The following RBMS1 variants were observed in gnomAD, a reference collection of about 807,000 sequenced individuals.
RBMS1 encodes RNA-binding motif, single-stranded-interacting protein 1.
A neutral mutation model predicts 62.3 loss-of-function variants in RBMS1; 17 were observed. The observed-to-expected ratio is 0.27, with a 90% CI of 0.19 to 0.41. The LOEUF is 0.41. Among genes scored for constraint, RBMS1 ranks in the 10% least tolerant of loss-of-function variants. The probability of loss-of-function intolerance (pLI) is 1.00; values close to 1 mark genes in which losing one functional copy is unlikely to be tolerated. For missense variants in RBMS1, 334 were observed against 504.5 expected (o/e 0.66, Z 3.24); for synonymous variants, 172 against 170.0 (o/e 1.01, Z -0.09).
intron 2 of RBMS1, among the ~76,000 whole-genome samples, chr2:160,328,046 A>G (rs1176839995): frequency 6.6e-6 from 1 of 152,136 alleles, no homozygotes. Context: ...GTTATAATGG[A>G]AAGAAGAGAG....
intron 10 of RBMS1, among the ~76,000 whole-genome samples, chr2:160,280,380 T>C (rs1244177194): frequency 6.6e-6 from 1 of 152,240 alleles, no homozygotes; most frequent in Non-Finnish European, 1.5e-5. Context: ...AAACATGTTT[T>C]ATCTGCTTCT....
chr2:160,390,245 A>G (rs1405616683), intron 1 of RBMS1, among the ~76,000 whole-genome samples: 2 of 152,124 alleles, frequency 1.3e-5, no homozygotes, highest in African/African-American at 4.8e-5. Flanking sequence ...GAACTTTAGG[A>G]AAAAAAAGAG....
chr2:160,439,615 C>G (rs1007138676), intron 1 of RBMS1, among the ~76,000 whole-genome samples: 1 of 152,080 alleles, frequency 6.6e-6, no homozygotes, highest in Non-Finnish European at 1.5e-5. Flanking sequence ...AGACGATGGG[C>G]GGCCAGGCGG....
At chr2:160,384,188 C>T (rs1356281993) in intron 1 of RBMS1, among the ~76,000 whole-genome samples, 1 of 152,106 alleles carries the variant, frequency 6.6e-6, no homozygotes, top group East Asian at 1.9e-4. Context: ...GGGAGCGAGA[C>T]TCTGTCTCAA....
At chr2:160,324,884 A>G (rs373835494) in intron 2 of RBMS1, among the ~76,000 whole-genome samples, 1,639 of 48,996 alleles carry the variant, frequency 0.033, 11 homozygotes, top group Middle Eastern at 0.077. Context: ...GTGTGTGTGT[A>G]TATATATATA....
intron 2 of RBMS1, among the ~76,000 whole-genome samples, chr2:160,347,412 T>C (rs1559419297): frequency 6.6e-6 from 1 of 152,182 alleles, no homozygotes; most frequent in South Asian, 2.1e-4. Flanking sequence ...TTAAACACCA[T>C]CTTAAACCTT....
intron 2 of RBMS1, among the ~76,000 whole-genome samples, chr2:160,330,272 C>T (rs1691185714): frequency 6.6e-6 from 1 of 152,168 alleles, no homozygotes; most frequent in South Asian, 2.1e-4. Context: ...GAGTTGTCAA[C>T]TGTTGGTTAG....
At chr2:160,387,293 G>C (rs1376600772) in intron 1 of RBMS1, among the ~76,000 whole-genome samples, 1 of 152,028 alleles carries the variant, frequency 6.6e-6, no homozygotes, top group South Asian at 2.1e-4. Context: ...ACAGTATCTA[G>C]TCTTTTTATT....
At chr2:160,492,182 T>A (rs1685860762) in intron 1 of RBMS1, among the ~76,000 whole-genome samples, 1 of 152,152 alleles carries the variant, frequency 6.6e-6, no homozygotes, top group Non-Finnish European at 1.5e-5. Flanking sequence ...CTGATTCTTT[T>A]GTGATCTAGA....
At position 160,363,556 on chromosome 2, in the gene RBMS1, GGGAGAAGAAGGAAGAAGGGCT is replaced by G. The variant is rs1166665133; in HGVS notation, c.251+3639_251+3659del. ...GAGGAGTCAGCCGGTTCTTCTGGTA[GGGAGAAGAAGGAAGAAGGGCT>G]GGAGAAGAAGGAAGAAGGGCCAAAG... On this transcript the variant is annotated intron_variant, in intron 2 of 13. Coordinates refer to ENST00000348849, the MANE Select transcript of RBMS1 (RefSeq NM_016836.4). Among the ~76,000 whole-genome samples the G allele has an allele frequency of 3.9e-5, 6 of 152,092 alleles. No homozygotes were observed. In the East Asian group the frequency reaches 9.7e-4, roughly 25 times the overall value.
chr2:160,288,001 G>A (rs2105937981), intron 6 of RBMS1, among the ~76,000 whole-genome samples: 1 of 148,388 alleles, frequency 6.7e-6, no homozygotes, highest in South Asian at 2.1e-4. Context: ...CAGAAAAGCA[G>A]AAGATGTAGA....
chr2:160,442,107 T>A (rs1280104504), intron 1 of RBMS1, among the ~76,000 whole-genome samples: 4 of 152,256 alleles, frequency 2.6e-5, no homozygotes, highest in Non-Finnish European at 5.9e-5. Context: ...GTCTATTCAG[T>A]TTCTTAAAGA....
chr2:160,370,897 CTTAA>C (rs1196897392), intron 1 of RBMS1, among the ~76,000 whole-genome samples: 1 of 151,982 alleles, frequency 6.6e-6, no homozygotes, highest in Non-Finnish European at 1.5e-5. Flanking sequence ...TTTAAGTTGA[CTTAA>C]TTAACACACA....
intron 1 of RBMS1, chr2:160,416,303 C>T (rs2105261661): frequency 6.6e-6 from 1 of 152,066 alleles, no homozygotes; most frequent in African/African-American, 2.4e-5. Context: ...ACCACCCTTC[C>T]TTCACCTCCC....
intron 1 of RBMS1, among the ~76,000 whole-genome samples, chr2:160,434,834 A>G (rs1172532258): frequency 2.6e-5 from 4 of 152,196 alleles, no homozygotes; most frequent in Admixed American, 2.0e-4. Context: ...TTATCTGATG[A>G]TCTTTAAAAA....
In RBMS1 at chr2:160,352,219, G is replaced by T. The variant is rs182819764; in HGVS notation, c.251+14997C>A. Among the ~76,000 whole-genome samples, 641 of 152,200 alleles carry T rather than the reference G, an allele frequency of 4.2e-3. 2 individuals are homozygous for T. Among genetic ancestry groups the T allele is most frequent in the Non-Finnish European group, 6.7e-3 (453 of 67,986 alleles). On this transcript the variant is annotated intron_variant, in intron 2 of 13. Transcript: ENST00000348849. ...ATGCCGGAAGGAGCGTCTTCCTGTGGTTCCTCCTAAAAGCCATACTCTATG... is the reference window on the plus strand; with the variant it reads ...ATGCCGGAAGGAGCGTCTTCCTGTGTTTCCTCCTAAAAGCCATACTCTATG...
intron 1 of RBMS1, among the ~76,000 whole-genome samples, chr2:160,478,955 G>A (rs1379788626): frequency 1.3e-5 from 2 of 152,220 alleles, no homozygotes; most frequent in South Asian, 2.1e-4. Flanking sequence ...CCGGTGTGGA[G>A]TGCTTGGCAT....
rs183910398 is a variant in RBMS1, at chr2:160,336,519, C to T, written c.252-18292G>A. Among the ~76,000 whole-genome samples the T allele has an allele frequency of 9.2e-5, 14 of 152,002 alleles. No individual in the cohort carries two copies. The East Asian group carries it at 2.1e-3, about 23-fold the overall frequency. On this transcript the variant is annotated intron_variant, in intron 2 of 13. Coordinates refer to ENST00000348849, the MANE Select transcript of RBMS1 (RefSeq NM_016836.4). The stretch of plus-strand genomic sequence containing the variant: ...CTTGAAATACCTAGATCAGTGCTGT[C>T]CAATAGAAACAGAATGCAAATCACA...
intron 1 of RBMS1, among the ~76,000 whole-genome samples, chr2:160,485,823 G>A (rs1685578581): frequency 6.6e-6 from 1 of 151,982 alleles, no homozygotes; most frequent in Non-Finnish European, 1.5e-5. Context: ...TGTCATTTTA[G>A]AAACAATGAA....
Sources: gnomAD v4.1 joint callset for allele counts (sites outside exome capture counted in the v4.1 genomes callset) on GRCh38, gnomAD v4.1.1 for gene constraint, MANE v1.5 for transcripts, NCBI Gene and HGNC (gene_info 2026-07-23, HGNC 2026-07-21) for gene names.